PCDH9: variants seen among roughly 807,000 people sequenced by gnomAD.
PCDH9 encodes protocadherin 9.
A neutral mutation model predicts 70.6 loss-of-function variants in PCDH9; 24 were observed. The observed-to-expected ratio is 0.34, with a 90% confidence interval of 0.25 to 0.48. The LOEUF (loss-of-function observed/expected upper bound fraction) is 0.48, where lower values mean the gene tolerates loss of function less well. PCDH9 is among the 20% of genes least tolerant of loss of function. The probability of loss-of-function intolerance (pLI) is 0.99; values close to 1 mark genes in which losing one functional copy is unlikely to be tolerated. For synonymous variants in PCDH9, 562 were observed against 558.5 expected (o/e 1.01, Z -0.09); for missense variants, 1,281 against 1,503.6 (o/e 0.85, Z 2.45).
intron 3 of PCDH9, among the ~76,000 whole-genome samples, chr13:66,747,965 T>C (rs991412674): frequency 2.6e-5 from 4 of 152,186 alleles, no homozygotes; most frequent in African/African-American, 9.7e-5. Flanking sequence ...TAGTTCAGGA[T>C]ATAGTGTGGT....
chr13:66,517,661 G>A (rs1031374816), intron 4 of PCDH9, among the ~76,000 whole-genome samples: 4 of 152,062 alleles, frequency 2.6e-5, no homozygotes, highest in Admixed American at 1.3e-4. Flanking sequence ...TCAATCCATT[G>A]CCTATCCCTT....
intron 2 of PCDH9, among the ~76,000 whole-genome samples, chr13:67,098,454 CAA>C (rs1322996658): frequency 6.6e-6 from 1 of 151,974 alleles, no homozygotes; most frequent in African/African-American, 2.4e-5. Context: ...GCTCTTTTTT[CAA>C]AGTCTCTGAA....
At chr13:66,621,237 T>G (rs1052201959) in intron 4 of PCDH9, among the ~76,000 whole-genome samples, 2 of 152,180 alleles carry the variant, frequency 1.3e-5, no homozygotes, top group Non-Finnish European at 2.9e-5. Context: ...CTGATGGTTA[T>G]GTTACATTAC....
chr13:66,837,684 C>G (rs1211779492), intron 3 of PCDH9, among the ~76,000 whole-genome samples: 1 of 152,110 alleles, frequency 6.6e-6, no homozygotes, highest in Non-Finnish European at 1.5e-5. Flanking sequence ...GCTCTGATTC[C>G]TACTAAGAAA....
chr13:67,094,656 ATTC>A (rs960562553), intron 2 of PCDH9, among the ~76,000 whole-genome samples: 21 of 148,350 alleles, frequency 1.4e-4, no homozygotes, highest in African/African-American at 2.9e-4. Flanking sequence ...ACATTCCCAG[ATTC>A]TTCTTCTTTT....
chr13:67,102,910 G>A (rs1040382238), intron 2 of PCDH9, among the ~76,000 whole-genome samples: 1 of 151,872 alleles, frequency 6.6e-6, no homozygotes, highest in South Asian at 2.1e-4. Context: ...AGACAACATG[G>A]TTATACTCCT....
At chr13:66,968,829 TATAAC>T (rs1192056133) in intron 2 of PCDH9, among the ~76,000 whole-genome samples, 1 of 152,000 alleles carries the variant, frequency 6.6e-6, no homozygotes, top group Non-Finnish European at 1.5e-5. Flanking sequence ...CTTTAACTGT[TATAAC>T]AACCATTTAG....
At chr13:66,511,830 T>A (rs1018910760) in intron 4 of PCDH9, among the ~76,000 whole-genome samples, 1 of 152,128 alleles carries the variant, frequency 6.6e-6, no homozygotes, top group Non-Finnish European at 1.5e-5. Context: ...GGAAGCTTCC[T>A]GAGGCCGCCC....
At chr13:67,184,631 T>G (rs956393260) in intron 2 of PCDH9, among the ~76,000 whole-genome samples, 1 of 152,136 alleles carries the variant, frequency 6.6e-6, no homozygotes, top group South Asian at 2.1e-4. Flanking sequence ...CTTGGGGGGC[T>G]GAGGCAGGAG....
At chr13:66,647,776 G>A (rs970754147) in intron 3 of PCDH9, among the ~76,000 whole-genome samples, 9 of 152,078 alleles carry the variant, frequency 5.9e-5, no homozygotes, top group African/African-American at 1.7e-4. Context: ...TCAGGCATTG[G>A]CTGTTAGACA....
At chr13:66,736,318 C>G (rs927474332) in intron 3 of PCDH9, among the ~76,000 whole-genome samples, 1 of 151,984 alleles carries the variant, frequency 6.6e-6, no homozygotes, top group Non-Finnish European at 1.5e-5. Flanking sequence ...TAATCCAATC[C>G]GATGTCTGTA....
intron 2 of PCDH9, among the ~76,000 whole-genome samples, chr13:67,140,902 C>T (rs957441519): frequency 6.6e-5 from 10 of 152,132 alleles, no homozygotes; most frequent in Non-Finnish European, 1.3e-4. Flanking sequence ...TGAATATATT[C>T]TTTCCTCGGT....
At chr13:67,162,496 C>A (rs1346237302) in intron 2 of PCDH9, among the ~76,000 whole-genome samples, 1 of 152,282 alleles carries the variant, frequency 6.6e-6, no homozygotes, top group East Asian at 1.9e-4. Context: ...CTTTCACTTG[C>A]AGGAGTCCTA....
intron 4 of PCDH9, among the ~76,000 whole-genome samples, chr13:66,494,253 A>G (rs1369632350): frequency 1.3e-5 from 2 of 152,112 alleles, no homozygotes; most frequent in Non-Finnish European, 2.9e-5. Context: ...AAGATGGCAA[A>G]ACTTCAGAAA....
At chr13:66,991,125 TG>T (rs1415453926) in intron 2 of PCDH9, 1 of 152,118 alleles carries the variant, frequency 6.6e-6, no homozygotes, top group Non-Finnish European at 1.5e-5. Flanking sequence ...GTTATTTTTC[TG>T]TGATACAGTG....
chr13:66,310,546 C>T (rs538918058), intron 4 of PCDH9, among the ~76,000 whole-genome samples: 47 of 151,938 alleles, frequency 3.1e-4, no homozygotes, highest in Non-Finnish European at 5.7e-4. Flanking sequence ...TGTTGACCAC[C>T]GACCTTTCAA....
chr13:67,045,126 C>T (rs1488542877), intron 2 of PCDH9, among the ~76,000 whole-genome samples: 1 of 152,072 alleles, frequency 6.6e-6, no homozygotes, highest in Non-Finnish European at 1.5e-5. Flanking sequence ...AAGAGGCAGG[C>T]TCAGCAGAGA....
intron 2 of PCDH9, chr13:67,207,307 C>T (rs1367480775): frequency 6.6e-6 from 1 of 152,056 alleles, no homozygotes; most frequent in Non-Finnish European, 1.5e-5. Context: ...TATTAATTAG[C>T]AGCTAAGAGA....
intron 4 of PCDH9, among the ~76,000 whole-genome samples, chr13:66,441,754 AG>A (rs1957978065): frequency 6.6e-6 from 1 of 152,058 alleles, no homozygotes; most frequent in Admixed American, 6.6e-5. Flanking sequence ...TTAACAATTT[AG>A]GGAAGGAAAA....
Sources: gnomAD v4.1 joint callset for allele counts (sites outside exome capture counted in the v4.1 genomes callset) on GRCh38, gnomAD v4.1.1 for gene constraint, MANE v1.5 for transcripts, NCBI Gene and HGNC (gene_info 2026-07-23, HGNC 2026-07-21) for gene names.